Variants in CYTH3 observed in about 807,000 individuals in gnomAD.
CYTH3 encodes the protein cytohesin 3.
A neutral mutation model predicts 55.1 loss-of-function variants in CYTH3; 23 were observed. The ratio of observed to expected loss-of-function variants is 0.42; its 90% CI spans 0.30 to 0.59. The LOEUF (loss-of-function observed/expected upper bound fraction) is 0.59. CYTH3 is among the 20% of genes least tolerant of loss of function. CYTH3 has a pLI of 0.20. For synonymous variants in CYTH3, 249 were observed against 194.9 expected (o/e 1.28, Z -2.31); for missense variants, 413 against 524.8 (o/e 0.79, Z 2.08).
intron 4 of CYTH3, among the ~76,000 whole-genome samples, chr7:6,185,578 T>C (rs1783621903): frequency 6.6e-6 from 1 of 151,714 alleles, no homozygotes; most frequent in Admixed American, 6.6e-5. Context: ...CAGGCACCTG[T>C]AGTCCCAGCT....
At chr7:6,176,412 C>A (rs984705344) in intron 5 of CYTH3, among the ~76,000 whole-genome samples, 1 of 151,830 alleles carries the variant, frequency 6.6e-6, no homozygotes, top group African/African-American at 2.4e-5. Flanking sequence ...CAGGCGCCCA[C>A]CACCACACCC....
intron 1 of CYTH3, among the ~76,000 whole-genome samples, chr7:6,264,028 T>A (rs1280902330): frequency 6.6e-6 from 1 of 151,318 alleles, no homozygotes; most frequent in Non-Finnish European, 1.5e-5. Flanking sequence ...CGGCAGATCA[T>A]CTGAGGTCAG....
At chr7:6,191,966 T>C (rs1188752730) in intron 1 of CYTH3, among the ~76,000 whole-genome samples, 2 of 151,098 alleles carry the variant, frequency 1.3e-5, no homozygotes, top group Non-Finnish European at 3.0e-5. Flanking sequence ...GTGGGCCCAG[T>C]CACTTTGGGA....
chr7:6,260,277 T>C (rs1377802999), intron 1 of CYTH3, among the ~76,000 whole-genome samples: 1 of 152,218 alleles, frequency 6.6e-6, no homozygotes, highest in African/African-American at 2.4e-5. Context: ...CTTAAAACTA[T>C]ATCTACCTCT....
chr7:6,173,599 G>T, intron 6 of CYTH3, 54 bp downstream of exon 6: 1 of 1,164,750 alleles, frequency 8.6e-7, no homozygotes, highest in Non-Finnish European at 1.3e-6. Flanking sequence ...TGCCCAGGCA[G>T]TGGTCCTCTG....
chr7:6,268,445 T>C (rs1423711337), intron 1 of CYTH3, among the ~76,000 whole-genome samples: 1 of 152,136 alleles, frequency 6.6e-6, no homozygotes, highest in East Asian at 1.9e-4. Flanking sequence ...GCTAGGATTA[T>C]AGGTGAGAGC....
intron 1 of CYTH3, among the ~76,000 whole-genome samples, chr7:6,265,944 G>A (rs115609167): frequency 1.7e-3 from 254 of 152,134 alleles, no homozygotes; most frequent in African/African-American, 5.8e-3. Context: ...TTTAAAAAAC[G>A]GACCTAAAAA....
rs890173649 is a variant in CYTH3 at position 6,171,101 on chromosome 7, G to A, written c.562+101C>T. Reference sequence around the variant, plus strand: ...AGGTCGTCCTCGCTCAGGGAAGGCAGGTCCCCAGGAACACACGCTGGGCTG... The same window carrying A: ...AGGTCGTCCTCGCTCAGGGAAGGCAAGTCCCCAGGAACACACGCTGGGCTG... On this transcript the variant is annotated intron_variant, in intron 7 of 12. Coordinates refer to ENST00000350796, the MANE Select transcript of CYTH3 (RefSeq NM_004227.4). The surrounding 1 kb of genome is among the most constrained non-coding windows in gnomAD (Gnocchi z 6.7). 5.7e-6 allele frequency: 9 copies of A among 1,583,488 alleles called. No individual in the cohort carries two copies. In the African/African-American group the frequency reaches 6.7e-5, roughly 12 times the overall value.
At chr7:6,209,640 T>C (rs961950929) in intron 1 of CYTH3, among the ~76,000 whole-genome samples, 6 of 152,222 alleles carry the variant, frequency 3.9e-5, no homozygotes, top group African/African-American at 1.2e-4. Context: ...TTGGAAACTA[T>C]GTCCACATGA....
At chr7:6,253,045 G>C (rs779648549) in intron 1 of CYTH3, among the ~76,000 whole-genome samples, 8 of 152,012 alleles carry the variant, frequency 5.3e-5, no homozygotes, top group Admixed American at 3.3e-4. Context: ...CAAGAAAAAT[G>C]AATGTCACTT....
chr7:6,196,459 T>TC (rs1281540894), intron 1 of CYTH3, among the ~76,000 whole-genome samples: 1 of 114,452 alleles, frequency 8.7e-6, no homozygotes, highest in Non-Finnish European at 1.6e-5. Context: ...TTTTTTTCTT[T>TC]TTTTTTTTTT....
In CYTH3 at chr7:6,190,467, T is replaced by C; in HGVS notation, c.99A>G (p.Glu33=). The change falls in exon 2 of 13, where the codon GAA becomes GAG. Residue 33 remains glutamate (E), a synonymous_variant. Transcript: ENST00000350796. ...TTTTTACCTCAATGTCATCAATAAG[T>C]TCCTTTTTTCTTCGACGAATGTCTA... ...ELLDIRRRKK[E]LIDDIERLKY... is the part of the protein sequence containing the mutation. 6.6e-7 allele frequency: 1 copy of C among 1,508,002 alleles called. No individual in the cohort carries two copies. Among genetic ancestry groups the C allele is most frequent in the Non-Finnish European group, 8.8e-7 (1 of 1,134,222 alleles). The allele number at this position is 1,508,002 out of a possible 1,614,324, so 93.4% of individuals were successfully genotyped here.
intron 6 of CYTH3, chr7:6,172,914 G>C (rs1315269961): frequency 8.3e-7 from 1 of 1,208,622 alleles, no homozygotes; most frequent in Non-Finnish European, 1.1e-6. Flanking sequence ...CTGCAGTTGA[G>C]GTAAGGCCAT....
intron 4 of CYTH3, among the ~76,000 whole-genome samples, chr7:6,180,113 G>A (rs1338982058): frequency 6.6e-6 from 1 of 152,152 alleles, no homozygotes; most frequent in African/African-American, 2.4e-5. Context: ...GCAGGTGGGA[G>A]GAGAGACAGG....
chr7:6,241,297 T>A (rs910557639), intron 1 of CYTH3, among the ~76,000 whole-genome samples: 1 of 152,096 alleles, frequency 6.6e-6, no homozygotes, highest in Admixed American at 6.6e-5. Context: ...TTCGAGAATT[T>A]GAAAAAGACT....
intron 1 of CYTH3, among the ~76,000 whole-genome samples, chr7:6,254,341 C>T (rs2115051620): frequency 6.6e-6 from 1 of 152,086 alleles, no homozygotes; most frequent in South Asian, 2.1e-4. Flanking sequence ...TATTTTGGAA[C>T]AATATTATGG....
chr7:6,244,955 ATTTTTTTTTTTTTTTTTTT>A (rs887701278), intron 1 of CYTH3, among the ~76,000 whole-genome samples: 1,477 of 36,466 alleles, frequency 0.041, 20 homozygotes, highest in Non-Finnish European at 0.059. Context: ...CGCCCGGCTA[ATTTTTTTTTTTTTTTTTTT>A]TTTTTTTTTT....
intron 1 of CYTH3, among the ~76,000 whole-genome samples, chr7:6,225,549 T>C (rs1779226343): frequency 6.6e-6 from 1 of 152,048 alleles, no homozygotes; most frequent in South Asian, 2.1e-4. Flanking sequence ...AGAGTCAGGG[T>C]TTCTCCATGT....
intron 1 of CYTH3, among the ~76,000 whole-genome samples, chr7:6,229,763 G>T (rs1779341770): frequency 6.6e-6 from 1 of 151,146 alleles, no homozygotes; most frequent in Admixed American, 6.6e-5. Flanking sequence ...TTTGCCATGA[G>T]CTGAGATCAC....
Sources: allele counts gnomAD v4.1 joint callset (sites outside exome capture counted in the v4.1 genomes callset), GRCh38; gene constraint gnomAD v4.1.1; non-coding constraint Gnocchi (gnomAD v3.1); transcripts MANE v1.5; gene names NCBI Gene and HGNC (gene_info 2026-07-23, HGNC 2026-07-21).